CDH12: variants seen among roughly 807,000 people sequenced by gnomAD.
CDH12 encodes the protein cadherin-12.
CDH12 carries 41 observed loss-of-function variants against 74.1 expected under a neutral mutation model. The observed-to-expected ratio is 0.55, with a 90% CI of 0.43 to 0.72. CDH12 has a LOEUF of 0.72. CDH12 is among the 30% of genes least tolerant of loss of function. CDH12 has a pLI of 0.00. For missense variants in CDH12, 945 were observed against 977.2 expected (o/e 0.97, Z 0.44); for synonymous variants, 399 against 355.0 (o/e 1.12, Z -1.39).
At chr5:22,606,305 C>T (rs1737111451) in intron 1 of CDH12, among the ~76,000 whole-genome samples, 1 of 152,178 alleles carries the variant, frequency 6.6e-6, no homozygotes. Flanking sequence ...GTAGTACCAA[C>T]TCCCTGTGCC....
chr5:21,818,365 C>T (rs1748180480), intron 8 of CDH12, among the ~76,000 whole-genome samples: 1 of 151,850 alleles, frequency 6.6e-6, no homozygotes, highest in South Asian at 2.1e-4. Context: ...TTATTTTCTC[C>T]AAGAAGGTGT....
chr5:22,219,808 A>G (rs1751949026), intron 3 of CDH12, among the ~76,000 whole-genome samples: 1 of 151,838 alleles, frequency 6.6e-6, no homozygotes, highest in East Asian at 1.9e-4. Context: ...TCAGATGAAA[A>G]AAGGTGATAA....
At chr5:21,765,990 C>A (rs2149877412) in intron 11 of CDH12, among the ~76,000 whole-genome samples, 1 of 152,058 alleles carries the variant, frequency 6.6e-6, no homozygotes, top group Admixed American at 6.6e-5. Context: ...GAGTTTAGAT[C>A]CAAACCCAGG....
intron 6 of CDH12, among the ~76,000 whole-genome samples, chr5:21,959,045 CT>C (rs1429548896): frequency 6.6e-6 from 1 of 151,418 alleles, no homozygotes; most frequent in Admixed American, 6.6e-5. Context: ...ATATTTTATT[CT>C]TTTTGTGAAA....
intron 3 of CDH12, among the ~76,000 whole-genome samples, chr5:22,346,030 C>T (rs1041199155): frequency 1.6e-4 from 24 of 148,266 alleles, no homozygotes; most frequent in African/African-American, 5.2e-4. Context: ...CACTTGAACC[C>T]GGGAGGGAGA....
intron 1 of CDH12, among the ~76,000 whole-genome samples, chr5:22,664,011 A>C (rs2126901982): frequency 6.6e-6 from 1 of 152,276 alleles, no homozygotes; most frequent in African/African-American, 2.4e-5. Flanking sequence ...GAACTCTAGT[A>C]CATAAAGTCC....
At chr5:22,753,894 T>A (rs1745739979) in intron 1 of CDH12, among the ~76,000 whole-genome samples, 1 of 152,122 alleles carries the variant, frequency 6.6e-6, no homozygotes, top group African/African-American at 2.4e-5. Flanking sequence ...AAATCCCTAT[T>A]ATCTAACTTC....
Position 22,029,579 on chromosome 5 carries a change from G to T in CDH12, c.231+48867C>A, listed in dbSNP as rs1204136679. Among the ~76,000 whole-genome samples, 259 of 152,194 alleles carry T rather than the reference G, an allele frequency of 1.7e-3. 3 individuals are homozygous for T. Among genetic ancestry groups the T allele is most frequent in the African/African-American group, 5.9e-3 (245 of 41,528 alleles). Reference sequence around the variant, plus strand: ...CACAATGAGATACCATCTCACACCAGTTAGAATGGCAATCATTAAAAAGTC... The same window carrying T: ...CACAATGAGATACCATCTCACACCATTTAGAATGGCAATCATTAAAAAGTC... On this transcript the variant is annotated intron_variant, in intron 5 of 14. Transcript: ENST00000382254.
chr5:21,945,751 A>AT (rs972481569), intron 6 of CDH12, among the ~76,000 whole-genome samples: 1 of 143,668 alleles, frequency 7.0e-6, no homozygotes, highest in Non-Finnish European at 1.5e-5. Context: ...AAGAAAACTG[A>AT]TAAAAAAAAA....
intron 3 of CDH12, among the ~76,000 whole-genome samples, chr5:22,326,258 G>A (rs1354496431): frequency 9.3e-5 from 14 of 150,984 alleles, no homozygotes; most frequent in Non-Finnish European, 1.5e-4. Flanking sequence ...TTTTTGAGAC[G>A]GATTCTCCCT....
chr5:22,502,735 A>T (rs1158774125), intron 2 of CDH12, among the ~76,000 whole-genome samples: 3 of 151,884 alleles, frequency 2.0e-5, no homozygotes, highest in Non-Finnish European at 4.4e-5. Flanking sequence ...ACAACAAAAC[A>T]CAGCTCCACA....
intron 2 of CDH12, among the ~76,000 whole-genome samples, chr5:22,435,480 ATATG>A (rs1209934662): frequency 1.4e-5 from 2 of 140,272 alleles, no homozygotes; most frequent in African/African-American, 2.7e-5. Flanking sequence ...ACACACATAT[ATATG>A]TATGTGTATA....
intron 2 of CDH12, among the ~76,000 whole-genome samples, chr5:22,450,877 CTT>C (rs545463039): frequency 0.46 from 59,050 of 128,772 alleles, 12,901 homozygotes; most frequent in Admixed American, 0.61. Context: ...TAATAAGCCA[CTT>C]TTTTTTTTTT....
At chr5:22,651,590 G>A (rs564483164) in intron 1 of CDH12, among the ~76,000 whole-genome samples, 2 of 152,060 alleles carry the variant, frequency 1.3e-5, no homozygotes, top group South Asian at 2.1e-4. Context: ...ACCACCACCT[G>A]GTCTCTCTCC....
rs547201924 is a variant in CDH12, at chr5:21,943,074, C to G, written c.526+32017G>C. ...TACAAGTGTTTGACAGTGCCTCCTTCACATGCTCTCTCTCCCCTGCTGCCA... is the reference window on the plus strand; with the variant it reads ...TACAAGTGTTTGACAGTGCCTCCTTGACATGCTCTCTCTCCCCTGCTGCCA... On this transcript the variant is annotated intron_variant, in intron 6 of 14. Transcript: ENST00000382254. Among the ~76,000 whole-genome samples, 933 of 152,210 alleles carry G rather than the reference C, an allele frequency of 6.1e-3. 6 individuals are homozygous for G. Among genetic ancestry groups the G allele is most frequent in the Non-Finnish European group, 7.7e-3 (522 of 68,020 alleles).
chr5:22,794,655 C>A (rs941861598), intron 1 of CDH12, among the ~76,000 whole-genome samples: 1 of 152,136 alleles, frequency 6.6e-6, no homozygotes. Flanking sequence ...AAAACACAAA[C>A]AAAGGAATAG....
intron 6 of CDH12, among the ~76,000 whole-genome samples, chr5:21,892,705 A>C (rs1474348985): frequency 6.6e-6 from 1 of 152,116 alleles, no homozygotes; most frequent in Non-Finnish European, 1.5e-5. Context: ...TTTGGAAAAT[A>C]ATTTAAAAAA....
At chr5:22,556,384 A>T (rs1189178537) in intron 1 of CDH12, among the ~76,000 whole-genome samples, 1 of 152,084 alleles carries the variant, frequency 6.6e-6, no homozygotes, top group East Asian at 1.9e-4. Context: ...AACTTGATGG[A>T]TTAATACTCC....
chr5:21,971,808 A>G (rs1238554228), intron 6 of CDH12, among the ~76,000 whole-genome samples: 4 of 152,178 alleles, frequency 2.6e-5, no homozygotes, highest in Admixed American at 2.6e-4. Flanking sequence ...TATCTGGATC[A>G]TTAAGTAATT....
Sources: allele counts gnomAD v4.1 joint callset (sites outside exome capture counted in the v4.1 genomes callset), GRCh38; gene constraint gnomAD v4.1.1; transcripts MANE v1.5; gene names NCBI Gene and HGNC (gene_info 2026-07-23, HGNC 2026-07-21).